Variants in AP4M1 observed in about 807,000 individuals in gnomAD.
The protein encoded by AP4M1 is adaptor related protein complex 4 subunit mu 1.
A neutral mutation model predicts 62.4 loss-of-function variants in AP4M1; 58 were observed. The observed-to-expected ratio is 0.93, with a 90% CI of 0.75 to 1.16. AP4M1 has a LOEUF of 1.16. AP4M1 is among the 50% of genes most tolerant of loss of function. AP4M1 has a pLI of 0.00. For missense variants in AP4M1, 626 were observed against 585.4 expected (o/e 1.07, Z -0.72); for synonymous variants, 290 against 239.7 (o/e 1.21, Z -1.94).
chr7:100,107,165 G>A lies in AP4M1; in HGVS notation c.*283G>A, dbSNP rs1796587822. 32 of 1,503,816 alleles carry A rather than the reference G, an allele frequency of 2.1e-5. No individual in the cohort carries two copies. The highest frequency in any genetic ancestry group is 4.0e-5 in the South Asian group (3 of 74,516). 93.2% of individuals were successfully genotyped at this position (1,503,816 alleles called of 1,614,324 possible). ...AGGAAGCAATCTACAACTTCCTTCCGCTTAGCGAGCATGCATGTGTGTACG... is the reference window on the plus strand; with the variant it reads ...AGGAAGCAATCTACAACTTCCTTCCACTTAGCGAGCATGCATGTGTGTACG... On this transcript the variant is annotated 3_prime_UTR_variant, in exon 15 of 15. Transcript: ENST00000359593.
chr7:100,100,976 C>G (rs986663965), upstream of AP4M1: 32 of 959,796 alleles, frequency 3.3e-5, no homozygotes, highest in African/African-American at 8.5e-5. Context: ...CTGGGCGCGA[C>G]TTTTCCCTGT....
Position 100,102,080 on chromosome 7 carries a change from C to T in AP4M1, c.147+112C>T, listed in dbSNP as rs1028234255. The T allele has an allele frequency of 5.6e-6, 7 of 1,240,836 alleles. No homozygotes were observed. In the East Asian group the frequency reaches 1.5e-4, roughly 26 times the overall value. 76.9% of individuals were successfully genotyped at this position (1,240,836 alleles called of 1,614,324 possible). A position where few individuals can be genotyped will look rare whatever the true frequency, so the allele number is the denominator to read the frequency against. On this transcript the variant is annotated intron_variant, in intron 2 of 14. Coordinates refer to ENST00000359593, the MANE Select transcript of AP4M1 (RefSeq NM_004722.4). ...GATTCCACTTGGGGGGTGCATTCCGCCAAATAAAGCTAACGTGAGGCCCGG... is the reference window on the plus strand; with the variant it reads ...GATTCCACTTGGGGGGTGCATTCCGTCAAATAAAGCTAACGTGAGGCCCGG...
Position 100,104,243 on chromosome 7 carries a change from C to T in AP4M1, c.606+89C>T, listed in dbSNP as rs186130951. ...GCTAAGACTCCCAGCAACGGCCGGG[C>T]ACAGTGGCTCATGCTTGTAATCCCA... On this transcript the variant is annotated intron_variant, in intron 7 of 14. Transcript: ENST00000359593. The T allele has an allele frequency of 3.7e-5, 40 of 1,091,208 alleles. No individual in the cohort carries two copies. The Admixed American group carries it at 5.8e-4, about 16-fold the overall frequency. The allele number at this position is 1,091,208 out of a possible 1,614,324, so 67.6% of individuals were successfully genotyped here.
At chr7:100,102,449 A>C (rs935979559) in intron 2 of AP4M1, 6 of 589,062 alleles carry the variant, frequency 1.0e-5, no homozygotes, top group African/African-American at 5.7e-5. Context: ...GCAACACACC[A>C]GGCCCAGCTC....
chr7:100,105,867 C>T lies in AP4M1; in HGVS notation c.930-92C>T, dbSNP rs1022132908. 8.3e-6 allele frequency: 12 copies of T among 1,452,870 alleles called. No individual in the cohort carries two copies. The African/African-American group carries it at 1.4e-4, about 17-fold the overall frequency. 90.0% of individuals were successfully genotyped at this position (1,452,870 alleles called of 1,614,324 possible). Reference sequence around the variant, plus strand: ...TTCCCTCTTGGGAGTACAGCCCACACCCACACAGCCCCACATGGAGGTCCC... The same window carrying T: ...TTCCCTCTTGGGAGTACAGCCCACATCCACACAGCCCCACATGGAGGTCCC... On this transcript the variant is annotated intron_variant, in intron 11 of 14. Transcript: ENST00000359593.
chr7:100,105,064 G>A lies in AP4M1; in HGVS notation c.693G>A (p.Thr231=), dbSNP rs758378130. 43 of 1,614,132 alleles carry A rather than the reference G, an allele frequency of 2.7e-5. No individual in the cohort carries two copies. The highest frequency in any genetic ancestry group is 3.3e-5 in the South Asian group (3 of 91,084). Residue 231 remains threonine, a synonymous_variant, in exon 9 of 15, where the codon ACG becomes ACA. Coordinates refer to ENST00000359593, the MANE Select transcript of AP4M1 (RefSeq NM_004722.4). ...CGACAGAGATGCGCATTGGCTTGAC[G>A]GAAGAGTTTTGTGTGGGGAAGTCAG... ...PSGSEMRIGL[T]EEFCVGKSEL...
intron 4 of AP4M1, 98 bp from the exon 5 acceptor site, chr7:100,103,311 G>A (rs578146411): frequency 1.0e-5 from 11 of 1,070,322 alleles, no homozygotes; most frequent in African/African-American, 4.7e-5. Flanking sequence ...CTTCCAAAGC[G>A]CTGAGAGTAC....
rs1796467891 is a variant in AP4M1, at chr7:100,106,270, C to G, written c.1004C>G (p.Pro335Arg). ...SQALNVRLHL[P>R]LPRGVVSLSQ... ...GCCCTCAATGTCAGGCTGCACCTCC[C>G]CCTGCCTCGAGGGGTGGTCAGGTGA... The change falls in exon 13 of 15, where the codon CCC becomes CGC. Residue 335 changes from proline to arginine, a missense_variant. Physicochemically the swap from Pro to Arg is moderately radical, Grantham distance 103. Coordinates refer to ENST00000359593, the MANE Select transcript of AP4M1 (RefSeq NM_004722.4). 5.0e-6 allele frequency: 8 copies of G among 1,614,120 alleles called. No individual in the cohort carries two copies. The highest frequency in any genetic ancestry group is 5.9e-6 in the Non-Finnish European group (7 of 1,180,032).
At chr7:100,103,750 C>T in intron 6 of AP4M1, 58 bp downstream of exon 6, 2 of 1,578,098 alleles carry the variant, frequency 1.3e-6, no homozygotes, top group Non-Finnish European at 1.7e-6. Context: ...TCCGGGAGTC[C>T]AAGATCTTAG....
chr7:100,108,356 C>A lies in AP4M1; in HGVS notation c.*1474C>A. 3.8e-6 allele frequency: 6 copies of A among 1,590,222 alleles called. No individual in the cohort carries two copies. Among genetic ancestry groups the A allele is most frequent in the Non-Finnish European group, 5.2e-6 (6 of 1,164,808 alleles). ...CTTCCTCCTATTCCTCCTCCCCACC[C>A]GGCCACGGACCTGCGTGATGGTCAG... On this transcript the variant is annotated 3_prime_UTR_variant, in exon 15 of 15. Coordinates refer to ENST00000359593, the MANE Select transcript of AP4M1 (RefSeq NM_004722.4).
chr7:100,101,429 G>T, upstream of AP4M1: 1 of 1,214,354 alleles, frequency 8.2e-7, no homozygotes, highest in Non-Finnish European at 1.2e-6. Context: ...CGTGACCGGC[G>T]CCACTGCGTG....
intron 14 of AP4M1, 31 bp from the exon 15 acceptor site, chr7:100,106,624 CCCT>C: frequency 7.4e-7 from 1 of 1,355,930 alleles, no homozygotes; most frequent in Non-Finnish European, 9.8e-7. Context: ...CAGCTTCTTG[CCCT>C]CCTTCCTCTC....
upstream of AP4M1, chr7:100,101,625 G>C: frequency 1.5e-6 from 2 of 1,340,530 alleles, no homozygotes; most frequent in Non-Finnish European, 2.1e-6. Context: ...GCTCTTAAAG[G>C]GCCAGCGCAC....
chr7:100,103,228 A>C, intron 4 of AP4M1, 181 bp from the exon 5 acceptor site: 1 of 686,244 alleles, frequency 1.5e-6, no homozygotes. Flanking sequence ...TTTTTTGTAG[A>C]GACTAGAGTC....
In AP4M1 at chr7:100,107,112, T is replaced by G; in HGVS notation, c.*230T>G. The G allele has an allele frequency of 1.5e-6, 2 of 1,350,852 alleles. No homozygotes were observed. The highest frequency in any genetic ancestry group is 2.0e-6 in the Non-Finnish European group (2 of 1,009,870). 83.7% of individuals were successfully genotyped at this position (1,350,852 alleles called of 1,614,324 possible). ...AACTTTTATTCTGAGAAACTGGCTG[T>G]ACAATATCTAAAAAGAAAGTGACAT... On this transcript the variant is annotated 3_prime_UTR_variant, in exon 15 of 15. Coordinates refer to ENST00000359593, the MANE Select transcript of AP4M1 (RefSeq NM_004722.4).
intron 7 of AP4M1, 114 bp from the exon 8 acceptor site, chr7:100,104,760 G>C (rs1796322730): frequency 9.0e-7 from 1 of 1,116,694 alleles, no homozygotes; most frequent in Non-Finnish European, 1.4e-6. Flanking sequence ...GAACCTGGGA[G>C]GTGGAGGTTG....
chr7:100,104,066 C>T lies in AP4M1; in HGVS notation c.544-26C>T, dbSNP rs1185383240. 3.7e-6 allele frequency: 6 copies of T among 1,611,156 alleles called. No homozygotes were observed. In the East Asian group the frequency reaches 1.1e-4, roughly 30 times the overall value. ...AGAACATAGGCTATTCTGCTTCCAACCACCCAAATTCTCTCTCTTTCTCAG... is the reference window on the plus strand; with the variant it reads ...AGAACATAGGCTATTCTGCTTCCAATCACCCAAATTCTCTCTCTTTCTCAG... On this transcript the variant is annotated intron_variant, in intron 6 of 14. Transcript: ENST00000359593.
chr7:100,101,710 C>A lies in AP4M1; in HGVS notation c.-5C>A, dbSNP rs1473213529. On this transcript the variant is annotated 5_prime_UTR_variant, in exon 1 of 15. Transcript: ENST00000359593. ...CCGTCTTCTTGTCTACTCTCCAGAA[C>A]GGCCATGATTTCCCAATTCTTCATT... 6.2e-7 allele frequency: 1 copy of A among 1,613,016 alleles called. No individual in the cohort carries two copies.
In AP4M1 at chr7:100,108,025, T is replaced by C; in HGVS notation, c.*1143T>C. The C allele has an allele frequency of 1.2e-6, 2 of 1,613,742 alleles. No homozygotes were observed. The highest frequency in any genetic ancestry group is 1.7e-6 in the Non-Finnish European group (2 of 1,179,944). On this transcript the variant is annotated 3_prime_UTR_variant, in exon 15 of 15. Transcript: ENST00000359593. Reference sequence around the variant, plus strand: ...GGGCAGCCGCTCGTGCAGACACCAGTGTCTGGACAGGAAGTGCGATGGAGC... The same window carrying C: ...GGGCAGCCGCTCGTGCAGACACCAGCGTCTGGACAGGAAGTGCGATGGAGC...
Sources: allele counts gnomAD v4.1 joint callset, GRCh38; gene constraint gnomAD v4.1.1; transcripts MANE v1.5; gene names NCBI Gene and HGNC (gene_info 2026-07-23, HGNC 2026-07-21).